The following HELQ variants were observed in gnomAD, a reference collection of about 807,000 sequenced individuals.
HELQ encodes helicase, POLQ like.
In HELQ, 77 loss-of-function variants were observed where a neutral mutation model predicts 111.6. That is an observed-to-expected ratio of 0.69 (90% CI 0.57 to 0.83). The LOEUF (loss-of-function observed/expected upper bound fraction) is 0.83, where lower values mean the gene tolerates loss of function less well. HELQ is among the 40% of genes least tolerant of loss of function. HELQ has a pLI of 0.00. For missense variants in HELQ, 1,200 were observed against 1,288.5 expected (o/e 0.93, Z 1.05); for synonymous variants, 438 against 454.7 (o/e 0.96, Z 0.47).
Position 83,441,363 on chromosome 4 carries a change from T to C in HELQ, c.1604A>G (p.Tyr535Cys), listed in dbSNP as rs778733272. 49 of 1,590,272 alleles carry C rather than the reference T, an allele frequency of 3.1e-5. No homozygotes were observed. Among genetic ancestry groups the C allele is most frequent in the African/African-American group, 5.4e-5 (4 of 74,106 alleles). The change falls in exon 7 of 18, where the codon TAT becomes TGT. Residue 535 changes from tyrosine (Y) to cysteine (C), a missense_variant. Physicochemically the swap from Tyr to Cys is radical, Grantham distance 194 (BLOSUM62 -2). This residue lies in a region of HELQ where 585 missense variants were observed against 665.3 expected (regional missense o/e 0.88). Transcript: ENST00000295488. ...KEYLKINDTI[Y>C]EVDSKAENGM... ...ATTCTCAGCTTTGCTGTCAACTTCA[T>C]ATATTGTATCATTTATTTTCAGATA...
intron 11 of HELQ, among the ~76,000 whole-genome samples, chr4:83,431,136 G>A (rs1308830818): frequency 6.7e-6 from 1 of 150,130 alleles, no homozygotes; most frequent in Non-Finnish European, 1.5e-5. Context: ...AACAAAACAG[G>A]CCAGGCGCAG....
chr4:83,420,197 A>T (rs950208818), intron 15 of HELQ, among the ~76,000 whole-genome samples: 2 of 152,272 alleles, frequency 1.3e-5, no homozygotes, highest in African/African-American at 2.4e-5. Flanking sequence ...AGCTTATTTT[A>T]ATAAAGTCTT....
At chr4:83,449,489 T>G (rs898035836) in intron 2 of HELQ, among the ~76,000 whole-genome samples, 9 of 152,236 alleles carry the variant, frequency 5.9e-5, no homozygotes, top group African/African-American at 2.2e-4. Flanking sequence ...CCAAAACCAT[T>G]TTAAACTGTT....
rs535033949 is a variant in HELQ at position 83,440,654 on chromosome 4, A to C, written c.1663-646T>G. Among the ~76,000 whole-genome samples, 6 of 152,320 alleles carry C rather than the reference A, an allele frequency of 3.9e-5. No homozygotes were observed. In the South Asian group the frequency reaches 1.2e-3, roughly 32 times the overall value. On this transcript the variant is annotated intron_variant, in intron 7 of 17. Coordinates refer to ENST00000295488, the MANE Select transcript of HELQ (RefSeq NM_133636.5). ...CTTCATACAAGTCATAAAACACTAA[A>C]ATTTACATAGTAGACATTAACATTT...
chr4:83,407,406 A>G lies in HELQ; in HGVS notation c.*47T>C, dbSNP rs1245584091. On this transcript the variant is annotated 3_prime_UTR_variant, in exon 18 of 18. Coordinates refer to ENST00000295488, the MANE Select transcript of HELQ (RefSeq NM_133636.5). ...AAGTATAAGTTATCTTTAATAACAC[A>G]CATGTACAATAAATAATTCATATAT... 1.7e-6 allele frequency: 2 copies of G among 1,163,782 alleles called. No homozygotes were observed. The highest frequency in any genetic ancestry group is 3.2e-5 in the African/African-American group (2 of 63,132). 72.1% of individuals were successfully genotyped at this position (1,163,782 alleles called of 1,614,324 possible).
Position 83,436,851 on chromosome 4 carries a change from C to G in HELQ, c.2048+7G>C. The G allele has an allele frequency of 1.2e-6, 2 of 1,610,858 alleles. No homozygotes were observed. Among genetic ancestry groups the G allele is most frequent in the Non-Finnish European group, 1.7e-6 (2 of 1,178,452 alleles). The stretch of plus-strand genomic sequence containing the variant: ...CTGAGCCTGGTCAACACTTACTTAT[C>G]TCTTACCTTCGAGCTGGTAGGTTGA... On this transcript the variant is annotated splice_region_variant and intron_variant, in intron 9 of 17. Coordinates refer to ENST00000295488, the MANE Select transcript of HELQ (RefSeq NM_133636.5).
At chr4:83,407,712 T>C (rs1485486421) in intron 17 of HELQ, 152 bp from the exon 18 acceptor site, 2 of 598,214 alleles carry the variant, frequency 3.3e-6, no homozygotes, top group Non-Finnish European at 5.9e-6. Flanking sequence ...CACTTAAGAA[T>C]AAACGATTAT....
chr4:83,428,405 A>G (rs1483833452), intron 12 of HELQ, among the ~76,000 whole-genome samples: 2 of 152,058 alleles, frequency 1.3e-5, no homozygotes, highest in African/African-American at 2.4e-5. Context: ...CACTAAAAAT[A>G]CAAAAATTAG....
chr4:83,412,711 C>T (rs1354120886), intron 17 of HELQ, among the ~76,000 whole-genome samples: 1 of 152,102 alleles, frequency 6.6e-6, no homozygotes, highest in Admixed American at 6.6e-5. Context: ...CTATTCCTAG[C>T]TACTCATGAG....
intron 9 of HELQ, among the ~76,000 whole-genome samples, chr4:83,436,474 CA>C (rs1454140402): frequency 6.6e-6 from 1 of 152,074 alleles, no homozygotes; most frequent in East Asian, 1.9e-4. Context: ...ATATTAGACA[CA>C]AATTGCCTAT....
Position 83,455,709 on chromosome 4 carries a change from CCCTATT to C in HELQ, c.-22_-17del. 6.3e-7 allele frequency: 1 copy of C among 1,594,652 alleles called. No homozygotes were observed. Among genetic ancestry groups the C allele is most frequent in the Non-Finnish European group, 8.5e-7 (1 of 1,177,370 alleles). On this transcript the variant is annotated 5_prime_UTR_variant, in exon 1 of 18. It removes the in-frame stop codon of an upstream open reading frame in the 5' UTR. Coordinates refer to ENST00000295488, the MANE Select transcript of HELQ (RefSeq NM_133636.5). ...ATTCATCCATGGCAAGGACCCAGGG[CCCTATT>C]CAGACGTCGTTCTCAGTGACCCAGA...
At position 83,431,742 on chromosome 4, in the gene HELQ, C is replaced by A; in HGVS notation, c.2217G>T (p.Leu739Phe). The change falls in exon 11 of 18, where the codon TTG becomes TTT. Residue 739 changes from leucine (L) to phenylalanine (F), a missense_variant. Physicochemically the swap from Leu to Phe is conservative, Grantham distance 22 (BLOSUM62 0). Coordinates refer to ENST00000295488, the MANE Select transcript of HELQ (RefSeq NM_133636.5). ...GAACAAGATGGCTGTAACAGTTTTC[C>A]AATGGTTTAGTTATTAACTCCAATA... The part of the protein sequence containing the change: ...QQVLELITKP[L>F]ENCYSHLVQE... 6.5e-7 allele frequency: 1 copy of A among 1,529,704 alleles called. No individual in the cohort carries two copies. 94.8% of individuals were successfully genotyped at this position (1,529,704 alleles called of 1,614,324 possible). A position where few individuals can be genotyped will look rare whatever the true frequency, so the allele number is the denominator to read the frequency against.
chr4:83,428,521 A>C (rs1383283478), intron 12 of HELQ, among the ~76,000 whole-genome samples: 1 of 152,162 alleles, frequency 6.6e-6, no homozygotes, highest in Non-Finnish European at 1.5e-5. Flanking sequence ...AGATTGCGCC[A>C]CTGCATTTTG....
intron 9 of HELQ, among the ~76,000 whole-genome samples, chr4:83,433,979 C>CA (rs60020544): frequency 0.21 from 13,254 of 63,732 alleles, 2,039 homozygotes; most frequent in African/African-American, 0.46. Context: ...GACTCTGTCT[C>CA]AAAAAAAAAA....
intron 16 of HELQ, among the ~76,000 whole-genome samples, 180 bp downstream of exon 16, chr4:83,417,913 A>G (rs753223033): frequency 6.6e-6 from 1 of 152,064 alleles, no homozygotes; most frequent in African/African-American, 2.4e-5. Context: ...GCCATCTAGT[A>G]ACAGCGGATT....
At chr4:83,419,835 T>C (rs1739573652) in intron 15 of HELQ, among the ~76,000 whole-genome samples, 1 of 152,164 alleles carries the variant, frequency 6.6e-6, no homozygotes, top group African/African-American at 2.4e-5. Flanking sequence ...AAGTAAAAGA[T>C]ATTTAGAAAG....
At chr4:83,431,975 T>C (rs1720177536) in intron 10 of HELQ, 151 bp downstream of exon 10, 1 of 507,786 alleles carries the variant, frequency 2.0e-6, no homozygotes, top group Non-Finnish European at 3.3e-6. Flanking sequence ...ATACATACAT[T>C]TTCAAACCAC....
At chr4:83,445,268 A>G (rs1213081345) in intron 5 of HELQ, among the ~76,000 whole-genome samples, 1 of 152,232 alleles carries the variant, frequency 6.6e-6, no homozygotes, top group Non-Finnish European at 1.5e-5. Context: ...AGCAGGGACT[A>G]TTTTATTCAC....
Position 83,407,369 on chromosome 4 carries a change from T to C in HELQ, c.*84A>G. On this transcript the variant is annotated 3_prime_UTR_variant, in exon 18 of 18. Transcript: ENST00000295488. ...TCTTAATGTATAACTGAAATGTATT[T>C]TTTCATTTATAAAGTATAAGTTATC... The C allele has an allele frequency of 1.2e-6, 1 of 816,012 alleles. No individual in the cohort carries two copies. 50.5% of individuals were successfully genotyped at this position (816,012 alleles called of 1,614,324 possible). A position where few individuals can be genotyped will look rare whatever the true frequency, so the allele number is the denominator to read the frequency against.
Sources: gnomAD v4.1 joint callset for allele counts (sites outside exome capture counted in the v4.1 genomes callset) on GRCh38, gnomAD v4.1.1 for gene constraint, gnomAD v4.1.1 regional missense constraint, MANE v1.5 for transcripts, NCBI Gene and HGNC (gene_info 2026-07-23, HGNC 2026-07-21) for gene names.